Variants in PHLDB2 observed in about 807,000 individuals in gnomAD.
PHLDB2 encodes the protein pleckstrin homology-like domain family B member 2.
In PHLDB2, 71 loss-of-function variants were observed where a neutral mutation model predicts 123.6. That is an observed-to-expected ratio of 0.57 (90% CI 0.47 to 0.70). The LOEUF (loss-of-function observed/expected upper bound fraction) is 0.70, where lower values mean the gene tolerates loss of function less well. PHLDB2 is among the 30% of genes least tolerant of loss of function. The probability of loss-of-function intolerance (pLI) is 0.00; values close to 1 mark genes in which losing one functional copy is unlikely to be tolerated. For synonymous variants in PHLDB2, 547 were observed against 541.6 expected (o/e 1.01, Z -0.14); for missense variants, 1,446 against 1,519.5 (o/e 0.95, Z 0.80).
At chr3:111,837,356 C>T (rs893245996) in intron 1 of PHLDB2, among the ~76,000 whole-genome samples, 1 of 152,140 alleles carries the variant, frequency 6.6e-6, no homozygotes, top group Non-Finnish European at 1.5e-5. Context: ...AGTTGCCTAA[C>T]ATCAAACAGT....
At chr3:111,823,807 C>T (rs1396853998) in intron 1 of PHLDB2, among the ~76,000 whole-genome samples, 1 of 151,982 alleles carries the variant, frequency 6.6e-6, no homozygotes, top group Non-Finnish European at 1.5e-5. Context: ...TCTTGTTTTC[C>T]CTGTGACTGG....
intron 2 of PHLDB2, 66 bp from the exon 3 acceptor site, chr3:111,913,253 C>G: frequency 6.7e-7 from 1 of 1,488,040 alleles, no homozygotes; most frequent in Non-Finnish European, 9.0e-7. Context: ...CCTCTTCAGT[C>G]TTTTTATTTG....
intron 1 of PHLDB2, among the ~76,000 whole-genome samples, chr3:111,775,837 T>C (rs1287159814): frequency 6.6e-6 from 1 of 152,148 alleles, no homozygotes; most frequent in Non-Finnish European, 1.5e-5. Flanking sequence ...GCTAAATTAG[T>C]GAGAGCTCAG....
chr3:111,773,130 A>G (rs2060207008), intron 1 of PHLDB2, among the ~76,000 whole-genome samples: 1 of 152,228 alleles, frequency 6.6e-6, no homozygotes, highest in Non-Finnish European at 1.5e-5. Context: ...AAACAGACAA[A>G]CAGGAATCTC....
chr3:111,753,115 G>A (rs1378958751), intron 1 of PHLDB2, among the ~76,000 whole-genome samples: 1 of 151,948 alleles, frequency 6.6e-6, no homozygotes, highest in East Asian at 1.9e-4. Flanking sequence ...ACGTATGTGT[G>A]CATGTGTCTT....
At chr3:111,817,505 C>T (rs2062143926) in intron 1 of PHLDB2, among the ~76,000 whole-genome samples, 1 of 152,214 alleles carries the variant, frequency 6.6e-6, no homozygotes, top group African/African-American at 2.4e-5. Context: ...AGAAAGGTCA[C>T]TTTCTGAGGA....
intron 1 of PHLDB2, among the ~76,000 whole-genome samples, chr3:111,736,227 C>G (rs2059504467): frequency 6.6e-6 from 1 of 152,118 alleles, no homozygotes; most frequent in South Asian, 2.1e-4. Flanking sequence ...CTTATCATCT[C>G]CTAGTTTATA....
At chr3:111,795,765 C>T (rs1286015040) in intron 1 of PHLDB2, among the ~76,000 whole-genome samples, 1 of 152,100 alleles carries the variant, frequency 6.6e-6, no homozygotes, top group Non-Finnish European at 1.5e-5. Flanking sequence ...TGCTCCGTCA[C>T]CCAGGCTGGA....
At chr3:111,752,530 C>T (rs1441119356) in intron 1 of PHLDB2, among the ~76,000 whole-genome samples, 1 of 151,688 alleles carries the variant, frequency 6.6e-6, no homozygotes, top group African/African-American at 2.4e-5. Context: ...AAAAATATTC[C>T]AAATGCATCT....
intron 1 of PHLDB2, among the ~76,000 whole-genome samples, chr3:111,735,740 CT>C (rs1295556620): frequency 1.3e-5 from 2 of 152,196 alleles, no homozygotes; most frequent in Non-Finnish European, 2.9e-5. Flanking sequence ...AACATTTCAC[CT>C]GTGTCAAGTA....
chr3:111,944,380 T>A (rs1175719141), intron 8 of PHLDB2, among the ~76,000 whole-genome samples: 1 of 151,912 alleles, frequency 6.6e-6, no homozygotes, highest in Non-Finnish European at 1.5e-5. Context: ...CTTTTTTTTT[T>A]AATTAAAAAT....
intron 1 of PHLDB2, among the ~76,000 whole-genome samples, chr3:111,741,657 G>A (rs1402511259): frequency 6.6e-6 from 1 of 152,002 alleles, no homozygotes; most frequent in Non-Finnish European, 1.5e-5. Flanking sequence ...TCTGGGTGTT[G>A]GTTACACAAA....
intron 1 of PHLDB2, among the ~76,000 whole-genome samples, chr3:111,811,459 G>C (rs967186333): frequency 6.6e-6 from 1 of 152,102 alleles, no homozygotes; most frequent in Admixed American, 6.6e-5. Context: ...AGGCCAGTGA[G>C]TGTCAAGCTT....
At chr3:111,793,144 G>A (rs1424966603) in intron 1 of PHLDB2, among the ~76,000 whole-genome samples, 3 of 152,118 alleles carry the variant, frequency 2.0e-5, no homozygotes, top group Non-Finnish European at 4.4e-5. Flanking sequence ...CCCAACCCAG[G>A]GCAGGTCCAG....
chr3:111,945,251 G>A lies in PHLDB2; in HGVS notation c.2398-17G>A, dbSNP rs752256023. 6.4e-7 allele frequency: 1 copy of A among 1,565,726 alleles called. No individual in the cohort carries two copies. Among genetic ancestry groups the A allele is most frequent in the Non-Finnish European group, 8.8e-7 (1 of 1,139,404 alleles). ...GAAGGTTGACTTTTAAGTTTAATAG[G>A]TTTTGTATTCCTTCAGGAAAAGGAG... is the stretch of plus-strand genomic sequence containing the variant. On this transcript the variant is annotated splice_polypyrimidine_tract_variant and intron_variant, in intron 8 of 17. Transcript: ENST00000431670.
intron 5 of PHLDB2, among the ~76,000 whole-genome samples, chr3:111,927,241 G>GACA (rs369058691): frequency 1.2e-3 from 6 of 5,216 alleles, no homozygotes; most frequent in Non-Finnish European, 2.2e-3. Flanking sequence ...CCTTAAAAAT[G>GACA]ACTGGCCAGG....
At chr3:111,933,869 A>C (rs1284770984) in intron 6 of PHLDB2, among the ~76,000 whole-genome samples, 1 of 152,226 alleles carries the variant, frequency 6.6e-6, no homozygotes, top group Non-Finnish European at 1.5e-5. Context: ...AGTCAGCAGC[A>C]TAGTTGTATA....
chr3:111,908,283 A>G (rs903755753), intron 2 of PHLDB2, among the ~76,000 whole-genome samples: 2 of 152,206 alleles, frequency 1.3e-5, no homozygotes, highest in Non-Finnish European at 2.9e-5. Flanking sequence ...TTATTACCCA[A>G]TAAGTAACTG....
At position 111,953,993 on chromosome 3, in the gene PHLDB2, A is replaced by G. The variant is rs769899719; in HGVS notation, c.2836A>G (p.Met946Val). The G allele has an allele frequency of 3.1e-6, 5 of 1,613,492 alleles. No individual in the cohort carries two copies. Among genetic ancestry groups the G allele is most frequent in the East Asian group, 4.5e-5 (2 of 44,854 alleles). Reference sequence around the variant, plus strand: ...TGTGCTCCCTCCCTCACTGGCAGCCATGGCCAAAGACTCAGAATCTCGGAG... The same window carrying G: ...TGTGCTCCCTCCCTCACTGGCAGCCGTGGCCAAAGACTCAGAATCTCGGAG... ...GSVLPPSLAA[M>V]AKDSESRRML... is the part of the protein sequence containing the mutation. The change falls in exon 12 of 18, where the codon ATG becomes GTG. Residue 946 changes from methionine to valine, a missense_variant. Met to Val is a conservative substitution (Grantham distance 21). Coordinates refer to ENST00000431670, the MANE Select transcript of PHLDB2 (RefSeq NM_001134438.2).
Sources: allele counts gnomAD v4.1 joint callset (sites outside exome capture counted in the v4.1 genomes callset), GRCh38; gene constraint gnomAD v4.1.1; transcripts MANE v1.5; gene names NCBI Gene and HGNC (gene_info 2026-07-23, HGNC 2026-07-21).